Variants in FAM193A observed in about 807,000 individuals in gnomAD.
FAM193A encodes the protein family with sequence similarity 193 member A, also known as protein FAM193A.
A neutral mutation model predicts 126.5 loss-of-function variants in FAM193A; 22 were observed. The observed-to-expected ratio is 0.17, with a 90% CI of 0.12 to 0.25. FAM193A has a LOEUF of 0.25. Ranked by LOEUF, FAM193A falls within the 10% of genes least tolerant of loss-of-function variation. The pLI, the probability that FAM193A is intolerant of heterozygous loss-of-function variation, is 1.00. For synonymous variants in FAM193A, 761 were observed against 646.8 expected (o/e 1.18, Z -2.68); for missense variants, 1,675 against 1,672.8 (o/e 1.00, Z -0.02).
At chr4:2,684,288 C>T (rs1280015620) in intron 13 of FAM193A, among the ~76,000 whole-genome samples, 2 of 152,158 alleles carry the variant, frequency 1.3e-5, no homozygotes, top group Admixed American at 6.6e-5. Context: ...GGGATCAGTC[C>T]TCCAGTTAAG....
chr4:2,666,374 T>C (rs1713117197), intron 12 of FAM193A, among the ~76,000 whole-genome samples: 1 of 152,198 alleles, frequency 6.6e-6, no homozygotes, highest in Non-Finnish European at 1.5e-5. Flanking sequence ...TTGGCGGTGG[T>C]ATATAATCCT....
intron 6 of FAM193A, among the ~76,000 whole-genome samples, chr4:2,645,508 C>G (rs1171851005): frequency 1.3e-5 from 2 of 151,912 alleles, no homozygotes; most frequent in African/African-American, 2.4e-5. Flanking sequence ...ATCTTGCCAT[C>G]TTTCTTTTTT....
At chr4:2,546,403 C>A (rs991796115) in intron 1 of FAM193A, among the ~76,000 whole-genome samples, 18 of 152,246 alleles carry the variant, frequency 1.2e-4, no homozygotes, top group African/African-American at 4.1e-4. Context: ...CAAAAACTCC[C>A]TCATGTTATA....
At chr4:2,643,545 C>T (rs1049597114) in intron 6 of FAM193A, among the ~76,000 whole-genome samples, 1 of 43,620 alleles carries the variant, frequency 2.3e-5, no homozygotes, top group Non-Finnish European at 3.7e-5. Flanking sequence ...AACAGTAACT[C>T]TACCATTAAA....
chr4:2,630,447 G>A (rs138299585), intron 4 of FAM193A, among the ~76,000 whole-genome samples: 45 of 152,296 alleles, frequency 3.0e-4, no homozygotes, highest in African/African-American at 1.1e-3. Context: ...CCGCAGATCT[G>A]CAGCCAGGTG....
At position 2,631,075 on chromosome 4, in the gene FAM193A, C is replaced by T. The variant is rs752525151; in HGVS notation, c.944C>T (p.Pro315Leu). The change falls in exon 5 of 21, where the codon CCG becomes CTG. Residue 315 changes from proline (P) to leucine (L), a missense_variant. Coordinates refer to ENST00000637812, the MANE Select transcript of FAM193A (RefSeq NM_001366318.2). ...AAGGCACCATCTGGCCTGCAGGGCCCGCCGCAAGCGCACCAGTTCATCTCC... is the reference window on the plus strand; with the variant it reads ...AAGGCACCATCTGGCCTGCAGGGCCTGCCGCAAGCGCACCAGTTCATCTCC... The part of the protein sequence containing the change: ...KVKAPSGLQG[P>L]PQAHQFISLL... The T allele has an allele frequency of 5.6e-6, 9 of 1,613,792 alleles. No individual in the cohort carries two copies. The highest frequency in any genetic ancestry group is 1.7e-5 in the Admixed American group (1 of 60,014).
intron 8 of FAM193A, among the ~76,000 whole-genome samples, 191 bp downstream of exon 8, chr4:2,658,071 T>C (rs1269725444): frequency 1.3e-5 from 2 of 152,200 alleles, no homozygotes; most frequent in Non-Finnish European, 2.9e-5. Flanking sequence ...CCTATTTCCT[T>C]ATCTTCCATA....
chr4:2,659,283 C>A (rs1396171238), intron 8 of FAM193A, among the ~76,000 whole-genome samples: 3 of 152,140 alleles, frequency 2.0e-5, no homozygotes, highest in African/African-American at 7.2e-5. Context: ...AGGGTAAAGG[C>A]CGGGTTTCTG....
chr4:2,627,867 C>T (rs536920523), intron 4 of FAM193A, among the ~76,000 whole-genome samples: 7 of 151,932 alleles, frequency 4.6e-5, no homozygotes, highest in Non-Finnish European at 5.9e-5. Flanking sequence ...CTCAGCCTGC[C>T]GAGTAGCTGG....
chr4:2,619,387 C>G (rs1330581143), intron 2 of FAM193A, among the ~76,000 whole-genome samples: 1 of 152,034 alleles, frequency 6.6e-6, no homozygotes, highest in East Asian at 1.9e-4. Context: ...ACTGCAACCT[C>G]CGCCTCCTGG....
intron 13 of FAM193A, among the ~76,000 whole-genome samples, chr4:2,682,725 C>A (rs900290327): frequency 1.3e-5 from 2 of 152,164 alleles, no homozygotes; most frequent in African/African-American, 4.8e-5. Flanking sequence ...TTGAACTAAT[C>A]TGAGTCCTTT....
intron 1 of FAM193A, among the ~76,000 whole-genome samples, chr4:2,559,333 G>A (rs1738458056): frequency 6.6e-6 from 1 of 152,150 alleles, no homozygotes; most frequent in African/African-American, 2.4e-5. Flanking sequence ...TCCTCTAATT[G>A]TTGTAGTCGG....
At chr4:2,701,934 A>C (rs1329883197) in intron 19 of FAM193A, among the ~76,000 whole-genome samples, 1 of 151,620 alleles carries the variant, frequency 6.6e-6, no homozygotes, top group Non-Finnish European at 1.5e-5. Flanking sequence ...GCACCACCAC[A>C]CCCGGCTAAT....
Position 2,646,733 on chromosome 4 carries a change from C to T in FAM193A, c.1212C>T (p.Thr404=). ...HDTCSEDTYS[T]LLQRYQRSEE... ...CCTGCAGTGAGGACACATACAGTAC[C>T]TTGCTGCAGAGGTACCAGCGTTCCG... Residue 404 remains threonine, a synonymous_variant, in exon 7 of 21, where the codon ACC becomes ACT. Transcript: ENST00000637812. The T allele has an allele frequency of 6.2e-7, 1 of 1,614,100 alleles. No homozygotes were observed. The highest frequency in any genetic ancestry group is 8.5e-7 in the Non-Finnish European group (1 of 1,179,972).
At chr4:2,613,918 G>A (rs549048620) in intron 2 of FAM193A, among the ~76,000 whole-genome samples, 6 of 151,984 alleles carry the variant, frequency 3.9e-5, no homozygotes, top group African/African-American at 1.2e-4. Flanking sequence ...GGGATTACAG[G>A]TGCGTACCAC....
intron 1 of FAM193A, among the ~76,000 whole-genome samples, chr4:2,568,359 A>G (rs1191034921): frequency 2.0e-5 from 3 of 152,108 alleles, no homozygotes; most frequent in Non-Finnish European, 4.4e-5. Flanking sequence ...TTGTCTAAAA[A>G]TGTTAATGTC....
rs574846756 is a variant in FAM193A at position 2,623,318 on chromosome 4, C to T, written c.502-1944C>T. On this transcript the variant is annotated intron_variant, in intron 2 of 20. Coordinates refer to ENST00000637812, the MANE Select transcript of FAM193A (RefSeq NM_001366318.2). ...CCGAGTAGCTGGGACTACAGGCGAG[C>T]GCCACCACACCCAGCTAATTTTTGT... Among the ~76,000 whole-genome samples, 13 of 152,272 alleles carry T rather than the reference C, an allele frequency of 8.5e-5. No individual in the cohort carries two copies. The South Asian group carries it at 1.4e-3, about 17-fold the overall frequency.
At chr4:2,619,934 A>G (rs1742441170) in intron 2 of FAM193A, among the ~76,000 whole-genome samples, 1 of 151,208 alleles carries the variant, frequency 6.6e-6, no homozygotes, top group Non-Finnish European at 1.5e-5. Context: ...CAAGTGATCC[A>G]CTCGCCTCAT....
rs1181788489 is a variant in FAM193A at position 2,663,154 on chromosome 4, G to A, written c.1945G>A (p.Asp649Asn). ...CAGCAGTAGTTCCTCAGAAGCTGAT[G>A]ATGAAGAAGCGGACGGCGAGAGTAG... Reference protein sequence around the residue: ...STSSSSSEADDEEADGESSGE... With the variant: ...STSSSSSEADNEEADGESSGE... Residue 649 changes from aspartate (D) to asparagine (N), a missense_variant, in exon 12 of 21, where the codon GAT becomes AAT. Physicochemically the swap from Asp to Asn is conservative, Grantham distance 23. Around this residue, in one of 4 missense-constraint regions of FAM193A, gnomAD observed 1,186 missense variants for 1,109.2 expected, o/e 1.07. Transcript: ENST00000637812. 12 of 1,614,088 alleles carry A rather than the reference G, an allele frequency of 7.4e-6. No homozygotes were observed. Among genetic ancestry groups the A allele is most frequent in the Non-Finnish European group, 1.0e-5 (12 of 1,180,040 alleles).
Sources: allele counts gnomAD v4.1 joint callset (sites outside exome capture counted in the v4.1 genomes callset), GRCh38; gene constraint gnomAD v4.1.1; regional missense constraint gnomAD v4.1.1; transcripts MANE v1.5; gene names NCBI Gene and HGNC (gene_info 2026-07-23, HGNC 2026-07-21).